Variants in SAFB2 observed in about 807,000 individuals in gnomAD.
The protein encoded by SAFB2 is scaffold attachment factor B2.
A neutral mutation model predicts 100.6 loss-of-function variants in SAFB2; 32 were observed. The observed-to-expected ratio is 0.32, with a 90% CI of 0.24 to 0.43. SAFB2 has a LOEUF of 0.43. Ranked by LOEUF, SAFB2 falls within the 20% of genes least tolerant of loss-of-function variation. The pLI is 1.00. For missense variants in SAFB2, 1,185 were observed against 1,163.4 expected (o/e 1.02, Z -0.27); for synonymous variants, 500 against 439.4 (o/e 1.14, Z -1.72).
chr19:5,614,732 G>C (rs985606919), intron 4 of SAFB2, among the ~76,000 whole-genome samples: 22 of 152,306 alleles, frequency 1.4e-4, no homozygotes, highest in African/African-American at 5.3e-4. Context: ...TGTGATATTT[G>C]AACAGCCTCA....
intron 6 of SAFB2, 59 bp downstream of exon 6, chr19:5,612,481 T>C (rs1174396546): frequency 6.8e-7 from 1 of 1,469,482 alleles, no homozygotes; most frequent in Non-Finnish European, 9.5e-7. Flanking sequence ...TATAGACAGC[T>C]TTAAAATAAT....
chr19:5,593,562 T>G, intron 15 of SAFB2: 1 of 267,648 alleles, frequency 3.7e-6, no homozygotes, highest in Non-Finnish European at 7.0e-6. Context: ...CTAACGGGCG[T>G]TCGGTTGTCT....
intron 16 of SAFB2, 37 bp downstream of exon 16, chr19:5,592,710 A>C: frequency 1.2e-6 from 2 of 1,611,344 alleles, no homozygotes; most frequent in Non-Finnish European, 1.7e-6. Context: ...CGGTGCCCAC[A>C]ATGACTGTAG....
intron 8 of SAFB2, chr19:5,610,380 AAC>A (rs1402396451): frequency 8.5e-6 from 5 of 585,490 alleles, no homozygotes; most frequent in African/African-American, 7.4e-5. Context: ...AAATCCTTGA[AAC>A]AGTCTTCAAT....
chr19:5,588,540 G>C (rs1252652913), intron 18 of SAFB2, among the ~76,000 whole-genome samples: 1 of 152,174 alleles, frequency 6.6e-6, no homozygotes, highest in Non-Finnish European at 1.5e-5. Flanking sequence ...TCTGGACCAT[G>C]GAATGTTCAG....
At chr19:5,621,186 CT>C in intron 2 of SAFB2, 122 bp downstream of exon 2, 1 of 716,940 alleles carries the variant, frequency 1.4e-6, no homozygotes, top group Non-Finnish European at 2.6e-6. Flanking sequence ...AAAGCTAACT[CT>C]TAGTGGAGGG....
chr19:5,595,981 C>G (rs1323010949), intron 13 of SAFB2, among the ~76,000 whole-genome samples: 1 of 152,132 alleles, frequency 6.6e-6, no homozygotes, highest in Non-Finnish European at 1.5e-5. Context: ...TAGAATATGC[C>G]AGGCCGGGCG....
At chr19:5,616,998 A>G (rs2053047823) in intron 2 of SAFB2, among the ~76,000 whole-genome samples, 1 of 152,056 alleles carries the variant, frequency 6.6e-6, no homozygotes, top group Admixed American at 6.6e-5. Context: ...AAAATCTAGG[A>G]TTCCTCTTAG....
chr19:5,600,056 C>T, intron 12 of SAFB2, 74 bp downstream of exon 12: 1 of 1,502,702 alleles, frequency 6.7e-7, no homozygotes, highest in Non-Finnish European at 9.0e-7. Context: ...GCTGTCCTCA[C>T]CTTCCCTCGG....
intron 18 of SAFB2, among the ~76,000 whole-genome samples, chr19:5,589,746 T>C (rs2052347823): frequency 6.6e-6 from 1 of 152,086 alleles, no homozygotes; most frequent in Admixed American, 6.6e-5. Flanking sequence ...CTGGTGAAGG[T>C]GGCTTTGGAC....
intron 9 of SAFB2, among the ~76,000 whole-genome samples, chr19:5,607,293 A>G (rs1314296610): frequency 6.6e-6 from 1 of 152,168 alleles, no homozygotes; most frequent in Non-Finnish European, 1.5e-5. Context: ...AAAAACAAAA[A>G]AAAACACAAC....
chr19:5,595,317 C>G (rs762505869), intron 14 of SAFB2, 44 bp downstream of exon 14: 1 of 1,589,466 alleles, frequency 6.3e-7, no homozygotes, highest in Non-Finnish European at 8.5e-7. Context: ...ACAGCCACCC[C>G]GAGAGGAAAC....
intron 13 of SAFB2, among the ~76,000 whole-genome samples, chr19:5,598,298 C>T (rs184955268): frequency 1.2e-4 from 18 of 152,234 alleles, no homozygotes; most frequent in African/African-American, 2.9e-4. Flanking sequence ...GAGTGAAAAA[C>T]GCAAATGAGA....
intron 12 of SAFB2, among the ~76,000 whole-genome samples, chr19:5,599,125 C>T (rs1406344791): frequency 1.3e-5 from 2 of 152,180 alleles, no homozygotes; most frequent in African/African-American, 2.4e-5. Context: ...CAACCTACAG[C>T]TTAAACCTGC....
At position 5,587,802 on chromosome 19, in the gene SAFB2, C is replaced by T; in HGVS notation, c.2639-35G>A. The T allele has an allele frequency of 1.3e-6, 2 of 1,559,512 alleles. No homozygotes were observed. Among genetic ancestry groups the T allele is most frequent in the Non-Finnish European group, 1.7e-6 (2 of 1,151,202 alleles). ...AAGAAGGGTCTGCAAACACTCCGTT[C>T]CTGGGGAAGCCCCTGGACACATGTG... On this transcript the variant is annotated intron_variant, in intron 19 of 20. Coordinates refer to ENST00000252542, the MANE Select transcript of SAFB2 (RefSeq NM_014649.3). This position sits in a 1 kb window ranked among gnomAD's most constrained non-coding sequence, Gnocchi z 4.9.
chr19:5,610,719 G>A, intron 7 of SAFB2, 31 bp from the exon 8 acceptor site: 2 of 1,421,330 alleles, frequency 1.4e-6, no homozygotes, highest in South Asian at 1.3e-5. Flanking sequence ...TACTCATACA[G>A]GAAAAAAACG....
chr19:5,598,494 A>C, intron 13 of SAFB2: 2 of 390,788 alleles, frequency 5.1e-6, no homozygotes, highest in Non-Finnish European at 9.5e-6. Context: ...TCCGGCTCGA[A>C]AAGCCTGGGT....
In SAFB2 at chr19:5,590,102, TTTC is replaced by T. The variant is rs141240896; in HGVS notation, c.2525+173_2525+175del. ...CCATCCCTGAAAGCCTGTTCTATGCTTTCTTCTTGAGAACCTGGACTTTCTGAG... is the reference window on the plus strand; with the variant it reads ...CCATCCCTGAAAGCCTGTTCTATGCTTTCTTGAGAACCTGGACTTTCTGAG... On this transcript the variant is annotated intron_variant, in intron 18 of 20. Coordinates refer to ENST00000252542, the MANE Select transcript of SAFB2 (RefSeq NM_014649.3). 2.8e-3 allele frequency among the ~76,000 whole-genome samples: 425 copies of T among 152,294 alleles called. 2 individuals carry two copies. The highest frequency in any genetic ancestry group is 3.6e-3 in the Non-Finnish European group (244 of 68,010).
chr19:5,588,059 C>CCACCATGCAGCTGAGG, intron 18 of SAFB2, 79 bp from the exon 19 acceptor site: 1 of 1,288,644 alleles, frequency 7.8e-7, no homozygotes, highest in Non-Finnish European at 1.1e-6. Context: ...CCACCCTGAC[C>CCACCATGCAGCTGAGG]TCAGCTGCAT....
Sources: allele counts gnomAD v4.1 joint callset (sites outside exome capture counted in the v4.1 genomes callset), GRCh38; gene constraint gnomAD v4.1.1; non-coding constraint Gnocchi (gnomAD v3.1); transcripts MANE v1.5; gene names NCBI Gene and HGNC (gene_info 2026-07-23, HGNC 2026-07-21).